Variants in RIMKLB observed in about 807,000 individuals in gnomAD.
RIMKLB encodes beta-citrylglutamate synthase B.
Under a neutral mutation model 32.0 loss-of-function variants are expected in RIMKLB, and 7 were observed. That is an observed-to-expected ratio of 0.22 (90% confidence interval 0.12 to 0.41). RIMKLB has a LOEUF of 0.41. RIMKLB is among the 10% of genes least tolerant of loss of function. The pLI, the probability that RIMKLB is intolerant of heterozygous loss-of-function variation, is 1.00. For synonymous variants in RIMKLB, 172 were observed against 185.1 expected (o/e 0.93, Z 0.57); for missense variants, 289 against 498.7 (o/e 0.58, Z 4.00).
At chr12:8,772,089 A>G (rs988922231) in intron 5 of RIMKLB, among the ~76,000 whole-genome samples, 2 of 152,136 alleles carry the variant, frequency 1.3e-5, no homozygotes, top group Non-Finnish European at 2.9e-5. Context: ...AGGTTTCACC[A>G]TGTTGGCCAG....
At position 8,776,408 on chromosome 12, in the gene RIMKLB, A is replaced by G. The variant is rs1470069989; in HGVS notation, c.*2624A>G. On this transcript the variant is annotated 3_prime_UTR_variant, in exon 6 of 6. Coordinates refer to ENST00000535829, the MANE Select transcript of RIMKLB (RefSeq NM_001297776.2). ...ACCTTAAGGAAACAAACAGCAGCAG[A>G]TATTTAGGTTAAACTTATTTTCATA... 3.1e-6 allele frequency: 3 copies of G among 970,586 alleles called. No homozygotes were observed. The highest frequency in any genetic ancestry group is 3.7e-6 in the Non-Finnish European group (3 of 816,416). 60.1% of individuals were successfully genotyped at this position (970,586 alleles called of 1,614,324 possible).
At chr12:8,721,294 A>G (rs12318911) in intron 2 of RIMKLB, among the ~76,000 whole-genome samples, 5,095 of 152,270 alleles carry the variant, frequency 0.033, 293 homozygotes, top group African/African-American at 0.12. Context: ...AATTTGCCCC[A>G]TTGACATTAA....
intron 5 of RIMKLB, among the ~76,000 whole-genome samples, chr12:8,765,393 T>A (rs1167113392): frequency 6.6e-6 from 1 of 152,174 alleles, no homozygotes; most frequent in East Asian, 1.9e-4. Flanking sequence ...TCTGTTGTCA[T>A]CCTATCATTG....
downstream of RIMKLB, among the ~76,000 whole-genome samples, chr12:8,782,162 CAAA>C (rs1041755316): frequency 6.6e-6 from 1 of 151,790 alleles, no homozygotes; most frequent in African/African-American, 2.4e-5. Context: ...TAATCTGAAT[CAAA>C]AATTGTTTTT....
chr12:8,695,178 GCCGCACCGCCCCGCCCCCCCGCC>G (rs1385638525), upstream of RIMKLB, among the ~76,000 whole-genome samples: 1 of 148,980 alleles, frequency 6.7e-6, no homozygotes, highest in African/African-American at 2.5e-5. Context: ...GGATTCAATT[GCCGCACCGCCCCGCCCCCCCGCC>G]CCGCCCCGCC....
intron 2 of RIMKLB, among the ~76,000 whole-genome samples, chr12:8,720,970 G>T (rs890823688): frequency 6.6e-6 from 1 of 152,206 alleles, no homozygotes; most frequent in Non-Finnish European, 1.5e-5. Flanking sequence ...CTGGAACCAG[G>T]TAATTTTTAA....
intron 2 of RIMKLB, among the ~76,000 whole-genome samples, chr12:8,725,230 A>G (rs927732454): frequency 4.6e-5 from 7 of 151,970 alleles, no homozygotes; most frequent in African/African-American, 1.7e-4. Flanking sequence ...ACTGTGTGCT[A>G]GTTACAATTT....
intron 1 of RIMKLB, among the ~76,000 whole-genome samples, chr12:8,684,180 CT>C (rs111930204): frequency 0.032 from 4,648 of 145,862 alleles, 220 homozygotes; most frequent in African/African-American, 0.11. Flanking sequence ...TAAATTTTCT[CT>C]TTTTTTTTTT....
chr12:8,735,523 C>T (rs1011632278), intron 2 of RIMKLB, among the ~76,000 whole-genome samples: 2 of 152,024 alleles, frequency 1.3e-5, no homozygotes, highest in Non-Finnish European at 2.9e-5. Context: ...AGCCACTGTG[C>T]TCAGCCTAAA....
intron 5 of RIMKLB, among the ~76,000 whole-genome samples, chr12:8,764,588 G>C (rs1591976779): frequency 6.6e-6 from 1 of 152,122 alleles, no homozygotes; most frequent in Admixed American, 6.5e-5. Flanking sequence ...CAGTGTCCAG[G>C]AGACAGTTAA....
chr12:8,763,784 G>A, intron 5 of RIMKLB, among the ~76,000 whole-genome samples: 1 of 152,198 alleles, frequency 6.6e-6, no homozygotes, highest in Middle Eastern at 3.2e-3. Flanking sequence ...TATGAGAACT[G>A]GCTCAAGTCT....
chr12:8,671,052 A>G, the RIMKLB span, among the ~76,000 whole-genome samples: 4 of 152,130 alleles, frequency 2.6e-5, no homozygotes, highest in African/African-American at 7.2e-5. Flanking sequence ...CACACAGCAC[A>G]GAGACTCTGG....
In RIMKLB at chr12:8,773,542, C is replaced by G. The variant is rs1258986746; in HGVS notation, c.919C>G (p.Leu307Val). ...GIIADYAASL[L>V]PSGRLTRRMS... ...CATAGCAGACTATGCCGCCTCCCTT[C>G]TACCCTCTGGCCGGCTCACCCGGCG... Residue 307 changes from leucine to valine, a missense_variant, in exon 6 of 6, where the codon CTA becomes GTA. Around this residue, in one of 3 missense-constraint regions of RIMKLB, gnomAD observed 99 missense variants for 133.9 expected, o/e 0.74. Coordinates refer to ENST00000535829, the MANE Select transcript of RIMKLB (RefSeq NM_001297776.2). 2.5e-6 allele frequency: 4 copies of G among 1,614,136 alleles called. No individual in the cohort carries two copies. Among genetic ancestry groups the G allele is most frequent in the Non-Finnish European group, 3.4e-6 (4 of 1,180,042 alleles).
chr12:8,726,029 G>T (rs927704870), intron 2 of RIMKLB, among the ~76,000 whole-genome samples: 7 of 152,190 alleles, frequency 4.6e-5, no homozygotes, highest in African/African-American at 1.7e-4. Flanking sequence ...TGTATTTTTA[G>T]TAGAGACAGG....
At position 8,698,256 on chromosome 12, in the gene RIMKLB, G is replaced by A. The variant is rs1286819418; in HGVS notation, c.-98G>A. On this transcript the variant is annotated 5_prime_UTR_variant, in exon 1 of 6. Coordinates refer to ENST00000535829, the MANE Select transcript of RIMKLB (RefSeq NM_001297776.2). ...CGCGCTTCCTCGAAGGCCCCAGCCC[G>A]GCTCAGTCGGCCGAGAGCGAGGGAG... The A allele has an allele frequency of 2.7e-6, 1 of 366,594 alleles. No individual in the cohort carries two copies. The highest frequency in any genetic ancestry group is 3.1e-5 in the Admixed American group (1 of 32,246). The allele number at this position is 366,594 out of a possible 1,614,324, so 22.7% of individuals were successfully genotyped here. A position where few individuals can be genotyped will look rare whatever the true frequency, so the allele number is the denominator to read the frequency against.
chr12:8,751,503 G>GGT (rs996058779), intron 3 of RIMKLB, among the ~76,000 whole-genome samples: 2 of 152,086 alleles, frequency 1.3e-5, no homozygotes, highest in African/African-American at 4.8e-5. Flanking sequence ...AAGAAAAATT[G>GGT]GTGTGTGTGT....
At chr12:8,731,211 C>G (rs779538090) in intron 2 of RIMKLB, among the ~76,000 whole-genome samples, 2 of 152,274 alleles carry the variant, frequency 1.3e-5, no homozygotes, top group East Asian at 3.9e-4. Flanking sequence ...ATTCTCCTGC[C>G]TCAGCCTCTT....
chr12:8,694,244 C>CA (rs1017368496), upstream of RIMKLB, among the ~76,000 whole-genome samples: 5 of 151,894 alleles, frequency 3.3e-5, no homozygotes, highest in African/African-American at 4.8e-5. Flanking sequence ...AAAAACAAAA[C>CA]AAAAAACAAT....
intron 2 of RIMKLB, among the ~76,000 whole-genome samples, chr12:8,740,132 C>T (rs891678369): frequency 2.0e-5 from 3 of 151,994 alleles, no homozygotes; most frequent in African/African-American, 7.2e-5. Context: ...TCTCAGACTC[C>T]TCACCTCAAG....
Sources: gnomAD v4.1 joint callset for allele counts (sites outside exome capture counted in the v4.1 genomes callset) on GRCh38, gnomAD v4.1.1 for gene constraint, gnomAD v4.1.1 regional missense constraint, MANE v1.5 for transcripts, NCBI Gene and HGNC (gene_info 2026-07-23, HGNC 2026-07-21) for gene names.